Variants in PLD5 observed in about 807,000 individuals in gnomAD.
The protein encoded by PLD5 is phospholipase D family member 5, also known as inactive phospholipase D5.
PLD5 carries 36 observed loss-of-function variants against 61.1 expected under a neutral mutation model. That is an observed-to-expected ratio of 0.59 (90% CI 0.45 to 0.78). The LOEUF is 0.78. Ranked by LOEUF, PLD5 falls within the 30% of genes least tolerant of loss-of-function variation. The probability of loss-of-function intolerance (pLI) is 0.00; values close to 1 mark genes in which losing one functional copy is unlikely to be tolerated. For synonymous variants in PLD5, 243 were observed against 242.8 expected (o/e 1.00, Z -0.01); for missense variants, 515 against 644.4 (o/e 0.80, Z 2.17).
intron 4 of PLD5, among the ~76,000 whole-genome samples, chr1:242,257,860 C>G (rs553936334): frequency 6.6e-6 from 1 of 152,154 alleles, no homozygotes; most frequent in Non-Finnish European, 1.5e-5. Flanking sequence ...GTCACTCTCT[C>G]TTAGCAGATA....
At chr1:242,251,446 C>A (rs1672693095) in intron 4 of PLD5, among the ~76,000 whole-genome samples, 1 of 152,158 alleles carries the variant, frequency 6.6e-6, no homozygotes, top group Admixed American at 6.5e-5. Flanking sequence ...ACATAGTGTT[C>A]AAAGCTGAAG....
At chr1:242,297,829 C>T (rs917467458) in intron 2 of PLD5, among the ~76,000 whole-genome samples, 32 of 150,548 alleles carry the variant, frequency 2.1e-4, no homozygotes, top group African/African-American at 7.1e-4. Flanking sequence ...TTAGTAGAGA[C>T]GGGGTTTCAC....
chr1:242,373,948 C>G (rs1225858699), intron 1 of PLD5, among the ~76,000 whole-genome samples: 2 of 144,906 alleles, frequency 1.4e-5, no homozygotes, highest in African/African-American at 5.1e-5. Flanking sequence ...GCACATGTAC[C>G]CTAGAACTTA....
rs78401249 is a variant in PLD5 at position 242,106,038 on chromosome 1, G to C, written c.1239+1633C>G. Among the ~76,000 whole-genome samples, 693 of 152,232 alleles carry C rather than the reference G, an allele frequency of 4.6e-3. 7 individuals are homozygous for C. Among genetic ancestry groups the C allele is most frequent in the African/African-American group, 0.015 (643 of 41,546 alleles). On this transcript the variant is annotated intron_variant, in intron 8 of 9. Coordinates refer to ENST00000536534, the MANE Select transcript of PLD5 (RefSeq NM_001372062.1). ...CTGTTCATGCCTTAAAACAACCTTG[G>C]GTCCTTGGTTTGAACCAGCAGGAGT...
At chr1:242,438,439 CTTTT>C (rs1171422837) in intron 1 of PLD5, among the ~76,000 whole-genome samples, 6 of 120,504 alleles carry the variant, frequency 5.0e-5, no homozygotes, top group South Asian at 3.0e-4. Context: ...AATTTTTTTT[CTTTT>C]TTTTTTTTTT....
At chr1:242,512,148 A>T (rs1668932643) in intron 1 of PLD5, among the ~76,000 whole-genome samples, 1 of 151,846 alleles carries the variant, frequency 6.6e-6, no homozygotes, top group South Asian at 2.1e-4. Context: ...GCGGTGGTTC[A>T]CGCCTGTAAT....
intron 7 of PLD5, 115 bp downstream of exon 7, chr1:242,113,775 C>T (rs1574322067): frequency 6.1e-6 from 8 of 1,302,756 alleles, no homozygotes; most frequent in Non-Finnish European, 7.2e-6. Context: ...ATGGTGTGCT[C>T]TTCCTAAGGC....
chr1:242,473,747 T>C (rs1455529096), intron 1 of PLD5, among the ~76,000 whole-genome samples: 1 of 152,044 alleles, frequency 6.6e-6, no homozygotes, highest in East Asian at 1.9e-4. Flanking sequence ...GGGAAGAAAA[T>C]AGAAGGTTGC....
At chr1:242,278,425 G>A (rs1348307444) in intron 3 of PLD5, among the ~76,000 whole-genome samples, 12 of 152,184 alleles carry the variant, frequency 7.9e-5, no homozygotes, top group Admixed American at 7.9e-4. Context: ...TAATGCTTAT[G>A]AGTTTATATT....
At chr1:242,182,973 G>A (rs1667619725) in intron 5 of PLD5, among the ~76,000 whole-genome samples, 1 of 152,176 alleles carries the variant, frequency 6.6e-6, no homozygotes, top group African/African-American at 2.4e-5. Context: ...AAGGAAAGTG[G>A]AATATTGATA....
At chr1:242,360,085 C>T (rs1292246853) in intron 1 of PLD5, among the ~76,000 whole-genome samples, 3 of 152,064 alleles carry the variant, frequency 2.0e-5, no homozygotes, top group Admixed American at 6.6e-5. Flanking sequence ...CAATATTTCC[C>T]AAATTTAAGC....
intron 3 of PLD5, among the ~76,000 whole-genome samples, chr1:242,286,881 C>T (rs542960128): frequency 6.6e-6 from 1 of 152,260 alleles, no homozygotes; most frequent in South Asian, 2.1e-4. Flanking sequence ...AGAATTCCCA[C>T]TTTGAGGAAT....
At chr1:242,488,582 C>A (rs530744754) in intron 1 of PLD5, among the ~76,000 whole-genome samples, 2 of 152,194 alleles carry the variant, frequency 1.3e-5, no homozygotes, top group South Asian at 4.2e-4. Context: ...GCCAAGGGCT[C>A]AGGGGAGGAA....
chr1:242,240,389 A>G (rs1671922555), intron 4 of PLD5, among the ~76,000 whole-genome samples: 1 of 152,216 alleles, frequency 6.6e-6, no homozygotes, highest in Non-Finnish European at 1.5e-5. Flanking sequence ...GATTTATAGT[A>G]TTTAGTTCCT....
At chr1:242,212,550 G>C (rs138486844) in intron 5 of PLD5, among the ~76,000 whole-genome samples, 1 of 152,304 alleles carries the variant, frequency 6.6e-6, no homozygotes, top group African/African-American at 2.4e-5. Context: ...AAGCTAGCCT[G>C]CTGGGGATGG....
At chr1:242,513,999 T>A (rs72765077) in intron 1 of PLD5, among the ~76,000 whole-genome samples, 1 of 152,226 alleles carries the variant, frequency 6.6e-6, no homozygotes, top group African/African-American at 2.4e-5. Context: ...AATTCCTATA[T>A]GGACCACTAA....
intron 1 of PLD5, among the ~76,000 whole-genome samples, chr1:242,351,853 AGC>A: frequency 6.6e-6 from 1 of 152,178 alleles, no homozygotes; most frequent in Non-Finnish European, 1.5e-5. Flanking sequence ...GGCCACATTT[AGC>A]AACTATATAA....
chr1:242,179,248 G>A (rs112146556), intron 5 of PLD5, among the ~76,000 whole-genome samples: 5 of 152,120 alleles, frequency 3.3e-5, no homozygotes, highest in Admixed American at 1.3e-4. Context: ...AAAATATCCC[G>A]TTATTTTCAA....
At chr1:242,172,075 A>T (rs1666793370) in intron 5 of PLD5, among the ~76,000 whole-genome samples, 1 of 152,250 alleles carries the variant, frequency 6.6e-6, no homozygotes, top group Non-Finnish European at 1.5e-5. Flanking sequence ...TCAACAGAAC[A>T]TACATGCTTT....
Sources: allele counts gnomAD v4.1 joint callset (sites outside exome capture counted in the v4.1 genomes callset), GRCh38; gene constraint gnomAD v4.1.1; transcripts MANE v1.5; gene names NCBI Gene and HGNC (gene_info 2026-07-23, HGNC 2026-07-21).